EIF2AK3: variants seen among roughly 807,000 people sequenced by gnomAD.
The protein encoded by EIF2AK3 is eukaryotic translation initiation factor 2-alpha kinase 3.
Under a neutral mutation model 113.5 loss-of-function variants are expected in EIF2AK3, and 50 were observed. The observed-to-expected ratio is 0.44, with a 90% confidence interval of 0.35 to 0.56. The LOEUF (loss-of-function observed/expected upper bound fraction) is 0.56, where lower values mean the gene tolerates loss of function less well. Among genes scored for constraint, EIF2AK3 ranks in the 20% least tolerant of loss-of-function variants. The probability of loss-of-function intolerance (pLI) is 0.00; values close to 1 mark genes in which losing one functional copy is unlikely to be tolerated. For synonymous variants in EIF2AK3, 448 were observed against 495.4 expected (o/e 0.90, Z 1.27); for missense variants, 1,185 against 1,378.0 (o/e 0.86, Z 2.22).
intron 2 of EIF2AK3, among the ~76,000 whole-genome samples, chr2:88,606,690 T>C (rs778627760): frequency 6.6e-6 from 1 of 152,220 alleles, no homozygotes; most frequent in African/African-American, 2.4e-5. Flanking sequence ...AAGGGTCTAC[T>C]AATAGACTCT....
chr2:88,627,044 C>A lies in EIF2AK3; in HGVS notation c.231G>T (p.Ala77=). Residue 77 remains alanine (A), a synonymous_variant, in exon 1 of 17, where the codon GCG becomes GCT. Transcript: ENST00000303236. The stretch of plus-strand genomic sequence containing the variant: ...CCTGCTCTCCCGCGGCTGCCGGCAG[C>A]GCCTCAGCGTCCTCCACAGTCACCT... ...AAEVTVEDAE[A]LPAAAGEQEP... The A allele has an allele frequency of 6.3e-7, 1 of 1,599,956 alleles. No individual in the cohort carries two copies. The highest frequency in any genetic ancestry group is 8.5e-7 in the Non-Finnish European group (1 of 1,177,654).
chr2:88,572,964 G>C (rs1394590765), intron 13 of EIF2AK3, among the ~76,000 whole-genome samples: 1 of 152,194 alleles, frequency 6.6e-6, no homozygotes, highest in Non-Finnish European at 1.5e-5. Flanking sequence ...TTAGTCTGAA[G>C]AGGCAGGAGC....
intron 6 of EIF2AK3, among the ~76,000 whole-genome samples, chr2:88,589,840 T>G (rs1469166420): frequency 1.3e-5 from 2 of 152,050 alleles, no homozygotes; most frequent in Non-Finnish European, 2.9e-5. Context: ...CGTGCCACCA[T>G]TCTTGGCTAA....
Position 88,579,809 on chromosome 2 carries a change from T to C in EIF2AK3, c.1764-169A>G. 3 of 600,738 alleles carry C rather than the reference T, an allele frequency of 5.0e-6. No homozygotes were observed. In the South Asian group the frequency reaches 6.1e-5, roughly 12 times the overall value. 37.2% of individuals were successfully genotyped at this position (600,738 alleles called of 1,614,324 possible). A position where few individuals can be genotyped will look rare whatever the true frequency, so the allele number is the denominator to read the frequency against. ...AACAGCATTTTTAGTCCTGTTTGTA[T>C]AAATGAAGCAAACACATTCTTATGT... On this transcript the variant is annotated intron_variant, in intron 10 of 16. Coordinates refer to ENST00000303236, the MANE Select transcript of EIF2AK3 (RefSeq NM_004836.7).
intron 4 of EIF2AK3, among the ~76,000 whole-genome samples, chr2:88,591,329 C>A (rs1674884523): frequency 6.6e-6 from 1 of 152,134 alleles, no homozygotes; most frequent in Admixed American, 6.6e-5. Flanking sequence ...CAAAAACTTA[C>A]AAATGTTTGT....
Position 88,559,824 on chromosome 2 carries a change from A to G in EIF2AK3, c.3088-845T>C, listed in dbSNP as rs1673895424. Among the ~76,000 whole-genome samples the G allele has an allele frequency of 2.0e-5, 3 of 152,176 alleles. No homozygotes were observed. In the South Asian group the frequency reaches 6.2e-4, roughly 32 times the overall value. On this transcript the variant is annotated intron_variant, in intron 15 of 16. Coordinates refer to ENST00000303236, the MANE Select transcript of EIF2AK3 (RefSeq NM_004836.7). ...GTAATGGTTGAATACTTTTCATTGT[A>G]TAAAATACCACACTTTGTTTTTCCA...
chr2:88,576,072 A>G, intron 12 of EIF2AK3, among the ~76,000 whole-genome samples: 1 of 152,224 alleles, frequency 6.6e-6, no homozygotes, highest in Non-Finnish European at 1.5e-5. Context: ...AATAGTTCAA[A>G]ACTACTTAAA....
intron 11 of EIF2AK3, among the ~76,000 whole-genome samples, chr2:88,578,218 T>G (rs1674511005): frequency 6.6e-6 from 1 of 152,174 alleles, no homozygotes; most frequent in Admixed American, 6.5e-5. Context: ...CTACCAGATA[T>G]GATGACAGCA....
chr2:88,589,994 T>G (rs565974999), intron 6 of EIF2AK3, among the ~76,000 whole-genome samples: 2 of 152,134 alleles, frequency 1.3e-5, no homozygotes, highest in African/African-American at 2.4e-5. Context: ...TCCCAGCACT[T>G]TGGGAGGCCG....
Position 88,571,161 on chromosome 2 carries a change from T to G in EIF2AK3, c.2818-120A>C, listed in dbSNP as rs1357878366. On this transcript the variant is annotated intron_variant, in intron 13 of 16. Transcript: ENST00000303236. Reference sequence around the variant, plus strand: ...CAAACTAGATATTTTCAAGCATATTTCTTTTTAAAATGGGCTAACAGGAAA... The same window carrying G: ...CAAACTAGATATTTTCAAGCATATTGCTTTTTAAAATGGGCTAACAGGAAA... 17 of 1,257,374 alleles carry G rather than the reference T, an allele frequency of 1.4e-5. No homozygotes were observed. The South Asian group carries it at 2.1e-4, about 16-fold the overall frequency. 77.9% of individuals were successfully genotyped at this position (1,257,374 alleles called of 1,614,324 possible).
At chr2:88,613,914 C>T (rs1187192881) in intron 1 of EIF2AK3, 61 bp from the exon 2 acceptor site, 2 of 1,496,794 alleles carry the variant, frequency 1.3e-6, no homozygotes. Flanking sequence ...GCACTTATCC[C>T]ACATGCTCAA....
In EIF2AK3 at chr2:88,627,071, G is replaced by A. The variant is rs1327876149; in HGVS notation, c.204C>T (p.Ala68=). The change falls in exon 1 of 17, where the codon GCC becomes GCT. Residue 68 remains alanine, a synonymous_variant. Transcript: ENST00000303236. ...CCTCAGCGTCCTCCACAGTCACCTC[G>A]GCCGCAGCCACGGCGCCCGCCGCCG... ...RVPAAGAVAA[A]EVTVEDAEAL... is the part of the protein sequence containing the mutation. 3 of 1,574,974 alleles carry A rather than the reference G, an allele frequency of 1.9e-6. No individual in the cohort carries two copies. The Admixed American group carries it at 5.3e-5, about 28-fold the overall frequency.
In EIF2AK3 at chr2:88,557,084, C is replaced by A; in HGVS notation, c.*652G>T. On this transcript the variant is annotated 3_prime_UTR_variant, in exon 17 of 17. Transcript: ENST00000303236. Reference sequence around the variant, plus strand: ...TTCCTCCCAAAACTAGACCTTTCAACCAATTTACATAAAAAGCTTCATTTT... The same window carrying A: ...TTCCTCCCAAAACTAGACCTTTCAAACAATTTACATAAAAAGCTTCATTTT... 6.6e-6 allele frequency: 1 copy of A among 152,580 alleles called. No individual in the cohort carries two copies. Among genetic ancestry groups the A allele is most frequent in the South Asian group, 2.1e-4 (1 of 4,820 alleles). The allele number at this position is 152,580 out of a possible 1,614,324, so 9.5% of individuals were successfully genotyped here. A position where few individuals can be genotyped will look rare whatever the true frequency, so the allele number is the denominator to read the frequency against.
chr2:88,588,782 T>C lies in EIF2AK3; in HGVS notation c.1285A>G (p.Ile429Val). The C allele has an allele frequency of 6.2e-7, 1 of 1,613,800 alleles. No homozygotes were observed. The part of the protein sequence containing the change: ...NENAIIPLPT[I>V]KWKPLIHSPS... ...TTACGAATTAAGGGTTTCCATTTGA[T>C]TGTTGGTAAAGGAATAATTGCGTTT... Residue 429 changes from isoleucine (I) to valine (V), a missense_variant, in exon 7 of 17, where the codon ATC (isoleucine) becomes GTC (valine). This residue lies in a region of EIF2AK3 where 877 missense variants were observed against 1,024.2 expected (regional missense o/e 0.86). Coordinates refer to ENST00000303236, the MANE Select transcript of EIF2AK3 (RefSeq NM_004836.7).
chr2:88,627,948 G>T (rs1675920926), upstream of EIF2AK3: 1 of 152,444 alleles, frequency 6.6e-6, no homozygotes, highest in Middle Eastern at 3.4e-3. Context: ...GGAGGAGGTC[G>T]ACCTTAAAGG....
chr2:88,601,834 CTTTTTT>C (rs59987968), intron 2 of EIF2AK3, among the ~76,000 whole-genome samples: 16 of 74,858 alleles, frequency 2.1e-4, no homozygotes, highest in East Asian at 8.8e-4. Flanking sequence ...TAAGATTTTT[CTTTTTT>C]TTTTTTTTTT....
intron 2 of EIF2AK3, among the ~76,000 whole-genome samples, chr2:88,607,310 A>G (rs543529383): frequency 1.3e-5 from 2 of 152,354 alleles, no homozygotes; most frequent in Middle Eastern, 3.4e-3. Flanking sequence ...ATAAATTACT[A>G]GAGGAAAGCA....
At chr2:88,579,825 A>G (rs1674553341) in intron 10 of EIF2AK3, 185 bp from the exon 11 acceptor site, 4 of 549,840 alleles carry the variant, frequency 7.3e-6, no homozygotes, top group Non-Finnish European at 9.5e-6. Context: ...AAGCAAACAC[A>G]TTCTTATGTT....
At chr2:88,587,886 T>A in intron 8 of EIF2AK3, 96 bp downstream of exon 8, 1 of 859,722 alleles carries the variant, frequency 1.2e-6, no homozygotes, top group Non-Finnish European at 1.7e-6. Flanking sequence ...TCCCAAGATG[T>A]TTTATTGTCT....
Sources: gnomAD v4.1 joint callset for allele counts (sites outside exome capture counted in the v4.1 genomes callset) on GRCh38, gnomAD v4.1.1 for gene constraint, gnomAD v4.1.1 regional missense constraint, MANE v1.5 for transcripts, NCBI Gene and HGNC (gene_info 2026-07-23, HGNC 2026-07-21) for gene names.